The following EXD3 variants were observed in gnomAD, a reference collection of about 807,000 sequenced individuals.
EXD3 encodes the protein exonuclease 3'-5' domain containing 3.
EXD3 carries 92 observed loss-of-function variants against 98.0 expected under a neutral mutation model. The observed-to-expected ratio is 0.94, with a 90% CI of 0.79 to 1.12. The LOEUF (loss-of-function observed/expected upper bound fraction) is 1.12, where lower values mean the gene tolerates loss of function less well. Among genes scored for constraint, EXD3 ranks in the 50% most tolerant of loss-of-function variants. The pLI is 0.00. For missense variants in EXD3, 1,222 were observed against 1,191.6 expected (o/e 1.03, Z -0.38); for synonymous variants, 569 against 526.0 (o/e 1.08, Z -1.12).
chr9:137,324,258 T>C lies in EXD3; in HGVS notation c.1999-115A>G, dbSNP rs1324140834. ...ATCGTGGCCCTGCCCCAGGCCCCTT[T>C]TGTCCTCCAGGGTGGCCTCTGCCTG... On this transcript the variant is annotated intron_variant, in intron 17 of 21. Transcript: ENST00000340951. The surrounding 1 kb of genome is among the most constrained non-coding windows in gnomAD (Gnocchi z 4.1). 28 of 897,466 alleles carry C rather than the reference T, an allele frequency of 3.1e-5. No homozygotes were observed. Among genetic ancestry groups the C allele is most frequent in the African/African-American group, 5.0e-5 (3 of 60,006 alleles). 55.6% of individuals were successfully genotyped at this position (897,466 alleles called of 1,614,324 possible).
intron 3 of EXD3, chr9:137,374,497 G>C (rs890273680): frequency 3.2e-6 from 3 of 937,500 alleles, no homozygotes; most frequent in African/African-American, 1.8e-5. Context: ...TGAGGCTGCC[G>C]CGCAGCTTTG....
In EXD3 at chr9:137,363,349, T is replaced by G. The variant is rs1173262146; in HGVS notation, c.656+3144A>C. ...GGTGCAATTTCCTTTTTTTTTTTTT[T>G]TTTTTTGGGACAGAATCTCCCTCTG... On this transcript the variant is annotated intron_variant, in intron 7 of 21. Coordinates refer to ENST00000340951, the MANE Select transcript of EXD3 (RefSeq NM_017820.5). Among the ~76,000 whole-genome samples, 220 of 148,858 alleles carry G rather than the reference T, an allele frequency of 1.5e-3. 3 individuals carry two copies. Among genetic ancestry groups the G allele is most frequent in the Middle Eastern group, 6.9e-3 (2 of 288 alleles).
chr9:137,313,755 C>T (rs1831487004), intron 19 of EXD3, among the ~76,000 whole-genome samples: 1 of 152,208 alleles, frequency 6.6e-6, no homozygotes, highest in South Asian at 2.1e-4. Flanking sequence ...GGCCACCAGG[C>T]AGGGCGATGG....
At chr9:137,361,257 G>A (rs1216435077) in intron 7 of EXD3, among the ~76,000 whole-genome samples, 2 of 86,974 alleles carry the variant, frequency 2.3e-5, no homozygotes, top group Admixed American at 2.7e-4. Context: ...TTGAGAATTC[G>A]CCCAAGTAAA....
chr9:137,398,470 G>A (rs1296122902), intron 1 of EXD3, among the ~76,000 whole-genome samples: 1 of 152,200 alleles, frequency 6.6e-6, no homozygotes, highest in East Asian at 1.9e-4. Context: ...GGAGCACTGA[G>A]TAGCCCTTTG....
chr9:137,324,214 C>A lies in EXD3; in HGVS notation c.1999-71G>T. 1 of 1,344,486 alleles carries A rather than the reference C, an allele frequency of 7.4e-7. No homozygotes were observed. Among genetic ancestry groups the A allele is most frequent in the Admixed American group, 2.0e-5 (1 of 49,300 alleles). The allele number at this position is 1,344,486 out of a possible 1,614,324, so 83.3% of individuals were successfully genotyped here. ...TCCTGGACTGGGCCACCTCTGCTCG[C>A]CACCCCCTAGCTCCCCGGATCGTGG... On this transcript the variant is annotated intron_variant, in intron 17 of 21. Coordinates refer to ENST00000340951, the MANE Select transcript of EXD3 (RefSeq NM_017820.5). The surrounding 1 kb of genome is among the most constrained non-coding windows in gnomAD (Gnocchi z 4.1).
At position 137,383,373 on chromosome 9, in the gene EXD3, C is replaced by T. The variant is rs1836417405; in HGVS notation, c.60G>A (p.Arg20=). 6.5e-7 allele frequency: 1 copy of T among 1,549,162 alleles called. No individual in the cohort carries two copies. The highest frequency in any genetic ancestry group is 8.7e-7 in the Non-Finnish European group (1 of 1,145,890). ...PAAGERHRMG[R]DPLLLLQALQ... The stretch of plus-strand genomic sequence containing the variant: ...GGGCCTGCAGGAGCAGGAGGGGGTC[C>T]CGGCCTGTGGAGATAAGATAACAGC... Residue 20 remains arginine (R), a synonymous_variant, in exon 3 of 22, where the codon CGG becomes CGA. Transcript: ENST00000340951.
At chr9:137,370,562 C>T (rs1192985041) in intron 5 of EXD3, among the ~76,000 whole-genome samples, 1 of 148,702 alleles carries the variant, frequency 6.7e-6, no homozygotes, top group Admixed American at 6.7e-5. Context: ...CGGGGTGGGG[C>T]TGTAGAAACC....
intron 17 of EXD3, among the ~76,000 whole-genome samples, chr9:137,328,592 C>T (rs1467674126): frequency 1.5e-4 from 3 of 19,594 alleles, no homozygotes; most frequent in African/African-American, 6.9e-4. Context: ...CTACACGGGA[C>T]TACACGGGAC....
At chr9:137,318,461 C>G (rs1038374571) in intron 19 of EXD3, among the ~76,000 whole-genome samples, 4 of 152,056 alleles carry the variant, frequency 2.6e-5, no homozygotes, top group Admixed American at 2.0e-4. Context: ...GGCTGCAGCC[C>G]GCTCCTCAAC....
At position 137,373,496 on chromosome 9, in the gene EXD3, G is replaced by A. The variant is rs1835744540; in HGVS notation, c.224C>T (p.Ser75Phe). 1 of 1,608,134 alleles carries A rather than the reference G, an allele frequency of 6.2e-7. No homozygotes were observed. ...SCRGQRGEGP[S>F]LAAWISHQLQ... ...CTGGTGGGAGATCCAGGCCGCCAGG[G>A]AGGGGCCCTCTCCCCGCTGGCCCCG... is the stretch of plus-strand genomic sequence containing the variant. The change falls in exon 4 of 22, where the codon TCC (serine) becomes TTC (phenylalanine). Residue 75 changes from serine (S) to phenylalanine (F), a missense_variant. By Grantham distance (155) the Ser-to-Phe change is radical. Coordinates refer to ENST00000340951, the MANE Select transcript of EXD3 (RefSeq NM_017820.5).
At chr9:137,331,650 T>A (rs1012483932) in intron 17 of EXD3, among the ~76,000 whole-genome samples, 11 of 152,160 alleles carry the variant, frequency 7.2e-5, no homozygotes, top group African/African-American at 2.7e-4. Context: ...GCGCGGTGGC[T>A]CACGCCTGTA....
rs559573309 is a variant in EXD3 at position 137,327,638 on chromosome 9, C to G, written c.1999-3495G>C. On this transcript the variant is annotated intron_variant, in intron 17 of 21. Transcript: ENST00000340951. ...CTTCGTGGTAATAACAAATATACAC[C>G]CATATGATGAGTAAAAACAACCAAT... Among the ~76,000 whole-genome samples, 16 of 149,882 alleles carry G rather than the reference C, an allele frequency of 1.1e-4. No homozygotes were observed. In the East Asian group the frequency reaches 3.0e-3, roughly 28 times the overall value.
intron 1 of EXD3, among the ~76,000 whole-genome samples, chr9:137,412,959 T>A (rs574960204): frequency 6.6e-6 from 1 of 151,796 alleles, no homozygotes; most frequent in East Asian, 2.0e-4. Flanking sequence ...GGAGGGGTAT[T>A]TTTTGTAGAG....
At chr9:137,350,408 T>C (rs1834217037) in intron 14 of EXD3, among the ~76,000 whole-genome samples, 1 of 79,728 alleles carries the variant, frequency 1.3e-5, no homozygotes, top group Non-Finnish European at 2.3e-5. Context: ...AGGGGTTAGA[T>C]AGAGAGGGGT....
intron 1 of EXD3, among the ~76,000 whole-genome samples, chr9:137,400,909 T>C (rs1032526720): frequency 1.3e-5 from 2 of 152,194 alleles, no homozygotes; most frequent in Admixed American, 6.5e-5. Flanking sequence ...ATCCAGGTCA[T>C]GCTGATGCAA....
At chr9:137,379,426 C>T (rs186200398) in intron 3 of EXD3, among the ~76,000 whole-genome samples, 1 of 57,368 alleles carries the variant, frequency 1.7e-5, no homozygotes, top group East Asian at 4.2e-4. Context: ...TTGTGGGTGA[C>T]GGTGACCGTT....
intron 20 of EXD3, among the ~76,000 whole-genome samples, chr9:137,308,503 CTGAG>C (rs1294246949): frequency 1.3e-5 from 2 of 152,092 alleles, no homozygotes; most frequent in African/African-American, 4.8e-5. Context: ...GGGCTCTGGT[CTGAG>C]TGTGTCTTTG....
At chr9:137,353,029 G>T in intron 10 of EXD3, 7 of 1,337,324 alleles carry the variant, frequency 5.2e-6, no homozygotes, top group African/African-American at 4.5e-5. Flanking sequence ...GCCCCGGCTG[G>T]CCTTCCGGGT....
Sources: allele counts gnomAD v4.1 joint callset (sites outside exome capture counted in the v4.1 genomes callset), GRCh38; gene constraint gnomAD v4.1.1; non-coding constraint Gnocchi (gnomAD v3.1); transcripts MANE v1.5; gene names NCBI Gene and HGNC (gene_info 2026-07-23, HGNC 2026-07-21).